The following KHDRBS2 variants were observed in gnomAD, a reference collection of about 807,000 sequenced individuals.
The protein encoded by KHDRBS2 is KH domain-containing, RNA-binding, signal transduction-associated protein 2.
In KHDRBS2, 26 loss-of-function variants were observed where a neutral mutation model predicts 44.3. That is an observed-to-expected ratio of 0.59 (90% CI 0.43 to 0.81). The LOEUF (loss-of-function observed/expected upper bound fraction) is 0.81, where lower values mean the gene tolerates loss of function less well. Ranked by LOEUF, KHDRBS2 falls within the 40% of genes least tolerant of loss-of-function variation. The pLI is 0.00. For synonymous variants in KHDRBS2, 194 were observed against 151.1 expected, an observed-to-expected ratio of 1.28 and a Z score of -2.08; for missense variants, 476 against 433.1, an observed-to-expected ratio of 1.10 and a Z score of -0.88.
chr6:62,166,201 C>G (rs1205776998), intron 2 of KHDRBS2, among the ~76,000 whole-genome samples: 5 of 151,958 alleles, frequency 3.3e-5, no homozygotes, highest in Non-Finnish European at 5.9e-5. Flanking sequence ...GTGTATACCA[C>G]ATTTTATTTA....
intron 1 of KHDRBS2, among the ~76,000 whole-genome samples, chr6:62,190,795 C>T (rs1313939830): frequency 6.6e-6 from 1 of 152,034 alleles, no homozygotes; most frequent in Non-Finnish European, 1.5e-5. Flanking sequence ...AACCAGAAAT[C>T]TCAGCCATGT....
chr6:61,906,501 C>G (rs1229826021), intron 4 of KHDRBS2, among the ~76,000 whole-genome samples: 1 of 152,018 alleles, frequency 6.6e-6, no homozygotes, highest in Non-Finnish European at 1.5e-5. Flanking sequence ...CTCATTCTAT[C>G]TAACTATATT....
At chr6:61,556,603 C>CA in the KHDRBS2 span, among the ~76,000 whole-genome samples, 10 of 151,600 alleles carry the variant, frequency 6.6e-5, no homozygotes, top group African/African-American at 2.4e-4. Flanking sequence ...GGAGTTTAGC[C>CA]AAAAAAGAAC....
At chr6:61,564,153 C>A in the KHDRBS2 span, among the ~76,000 whole-genome samples, 1 of 152,086 alleles carries the variant, frequency 6.6e-6, no homozygotes, top group African/African-American at 2.4e-5. Context: ...TTAAAAAGCA[C>A]TAATCAGCTA....
At chr6:61,634,305 G>A in the KHDRBS2 span, among the ~76,000 whole-genome samples, 1 of 150,496 alleles carries the variant, frequency 6.6e-6, no homozygotes, top group African/African-American at 2.4e-5. Context: ...TGGGACCCTT[G>A]GAAACCACTT....
intron 6 of KHDRBS2, among the ~76,000 whole-genome samples, chr6:61,819,810 G>A (rs981212978): frequency 3.3e-5 from 5 of 152,010 alleles, no homozygotes; most frequent in Non-Finnish European, 7.4e-5. Context: ...AGTCTGAACA[G>A]CTGACTTCTA....
intron 6 of KHDRBS2, among the ~76,000 whole-genome samples, chr6:61,843,979 T>C (rs1793994769): frequency 6.6e-6 from 1 of 152,170 alleles, no homozygotes; most frequent in Non-Finnish European, 1.5e-5. Context: ...TTTCAGATAA[T>C]GAGAATTACT....
chr6:62,177,045 C>T (rs1821238697), intron 2 of KHDRBS2, 140 bp downstream of exon 2: 1 of 459,762 alleles, frequency 2.2e-6, no homozygotes, highest in Admixed American at 4.1e-5. Context: ...TTTCCTTCCC[C>T]TATGTCAGTA....
intron 6 of KHDRBS2, among the ~76,000 whole-genome samples, chr6:61,788,668 C>T (rs185734978): frequency 8.9e-4 from 135 of 151,084 alleles, no homozygotes; most frequent in East Asian, 5.4e-3. Context: ...TTTATTTAAA[C>T]GGAAAACTCC....
At chr6:61,857,246 T>A (rs1383478515) in intron 6 of KHDRBS2, among the ~76,000 whole-genome samples, 1 of 152,082 alleles carries the variant, frequency 6.6e-6, no homozygotes, top group Non-Finnish European at 1.5e-5. Flanking sequence ...ATCCTGGATA[T>A]AATTGCATAT....
At chr6:62,189,546 C>A (rs1197900618) in intron 1 of KHDRBS2, among the ~76,000 whole-genome samples, 5 of 151,904 alleles carry the variant, frequency 3.3e-5, no homozygotes, top group Admixed American at 3.3e-4. Flanking sequence ...CTTCTAAGTG[C>A]AATGCTAAAA....
intron 8 of KHDRBS2, among the ~76,000 whole-genome samples, chr6:61,684,197 G>A (rs213785): frequency 0.067 from 10,248 of 151,928 alleles, 503 homozygotes; most frequent in Non-Finnish European, 0.097. Flanking sequence ...ACCAATGAAC[G>A]TTTTTCCAGT....
chr6:61,628,512 C>T, the KHDRBS2 span, among the ~76,000 whole-genome samples: 1 of 152,128 alleles, frequency 6.6e-6, no homozygotes, highest in Admixed American at 6.5e-5. Context: ...TCTCTTCCTT[C>T]TGTAAATGAA....
At chr6:62,085,450 T>C (rs3916573) in intron 2 of KHDRBS2, among the ~76,000 whole-genome samples, 1 of 151,972 alleles carries the variant, frequency 6.6e-6, no homozygotes, top group Non-Finnish European at 1.5e-5. Flanking sequence ...AGATTAGTGT[T>C]AAAGAAGCAA....
chr6:61,888,392 T>C (rs1562373967), intron 6 of KHDRBS2, among the ~76,000 whole-genome samples: 1 of 152,112 alleles, frequency 6.6e-6, no homozygotes, highest in African/African-American at 2.4e-5. Context: ...TGACTAGAGC[T>C]GAACATAAAA....
At chr6:61,668,071 G>A in the KHDRBS2 span, among the ~76,000 whole-genome samples, 2 of 150,740 alleles carry the variant, frequency 1.3e-5, no homozygotes, top group Non-Finnish European at 1.5e-5. Flanking sequence ...TTTTTATCGA[G>A]AACTTTATAT....
intron 3 of KHDRBS2, among the ~76,000 whole-genome samples, chr6:61,979,897 T>C (rs1399462084): frequency 6.6e-6 from 1 of 152,176 alleles, no homozygotes; most frequent in Admixed American, 6.6e-5. Flanking sequence ...TGTCCCTTTC[T>C]ATTACTTCCT....
rs1486800621 is a variant in KHDRBS2, at chr6:61,884,583, A to T, written c.810+10052T>A. On this transcript the variant is annotated intron_variant, in intron 6 of 8. Transcript: ENST00000281156. ...ATGAGTTACAAGAGAGTGCTTACAT[A>T]AGCAGATTTTTATGTTGTCAGCGTG... 4.6e-5 allele frequency among the ~76,000 whole-genome samples: 7 copies of T among 152,024 alleles called. No individual in the cohort carries two copies. The East Asian group carries it at 1.3e-3, about 29-fold the overall frequency.
At chr6:62,213,599 T>A (rs1829458000) in intron 1 of KHDRBS2, among the ~76,000 whole-genome samples, 1 of 151,768 alleles carries the variant, frequency 6.6e-6, no homozygotes, top group Non-Finnish European at 1.5e-5. Context: ...ATGAATCAAG[T>A]CTGGGGCATG....
Sources: allele counts gnomAD v4.1 joint callset (sites outside exome capture counted in the v4.1 genomes callset), GRCh38; gene constraint gnomAD v4.1.1; transcripts MANE v1.5; gene names NCBI Gene and HGNC (gene_info 2026-07-23, HGNC 2026-07-21).